RORA: variants seen among roughly 807,000 people sequenced by gnomAD.
RORA encodes RAR related orphan receptor A, also known as nuclear receptor ROR-alpha.
Under a neutral mutation model 69.5 loss-of-function variants are expected in RORA, and 7 were observed. That is an observed-to-expected ratio of 0.10 (90% CI 0.06 to 0.19). RORA has a LOEUF of 0.19. RORA is among the 10% of genes least tolerant of loss of function. The pLI is 1.00. For synonymous variants in RORA, 261 were observed against 240.8 expected (o/e 1.08, Z -0.78); for missense variants, 457 against 663.0 (o/e 0.69, Z 3.41).
intron 1 of RORA, among the ~76,000 whole-genome samples, chr15:61,085,087 T>A (rs1413705942): frequency 6.6e-6 from 1 of 152,050 alleles, no homozygotes. Flanking sequence ...TAGGGAGCTG[T>A]TCATTTAAAA....
chr15:61,167,828 C>A (rs931980908), intron 1 of RORA, among the ~76,000 whole-genome samples: 4 of 152,154 alleles, frequency 2.6e-5, no homozygotes, highest in African/African-American at 9.7e-5. Flanking sequence ...GTGGTCCCAC[C>A]CCACCCACCA....
At chr15:60,607,651 C>T (rs2068981668) in intron 2 of RORA, among the ~76,000 whole-genome samples, 1 of 152,174 alleles carries the variant, frequency 6.6e-6, no homozygotes, top group African/African-American at 2.4e-5. Flanking sequence ...AGTAAAAACT[C>T]TTCAAACACA....
At chr15:60,740,828 A>C (rs1010684373) in intron 1 of RORA, among the ~76,000 whole-genome samples, 1 of 152,082 alleles carries the variant, frequency 6.6e-6, no homozygotes, top group Non-Finnish European at 1.5e-5. Context: ...TGGTTTTATG[A>C]CCATACTGAA....
intron 1 of RORA, among the ~76,000 whole-genome samples, chr15:60,829,663 C>T (rs1442002866): frequency 1.3e-5 from 2 of 152,214 alleles, no homozygotes; most frequent in Non-Finnish European, 2.9e-5. Context: ...TGAAGCAATC[C>T]GCTGAAAGGG....
At chr15:60,866,108 A>G (rs769774786) in intron 1 of RORA, among the ~76,000 whole-genome samples, 1 of 152,180 alleles carries the variant, frequency 6.6e-6, no homozygotes, top group Non-Finnish European at 1.5e-5. Context: ...ATTATTAACT[A>G]TAGTCACCCC....
At chr15:60,680,200 T>C (rs1419376640) in intron 1 of RORA, among the ~76,000 whole-genome samples, 1 of 152,222 alleles carries the variant, frequency 6.6e-6, no homozygotes, top group Admixed American at 6.5e-5. Context: ...ATGAGAGATA[T>C]ATGTGTATTT....
At chr15:60,774,350 T>C (rs1046224130) in intron 1 of RORA, among the ~76,000 whole-genome samples, 5 of 152,164 alleles carry the variant, frequency 3.3e-5, no homozygotes, top group African/African-American at 1.2e-4. Context: ...TCAGAATCTG[T>C]CCTAATCCAA....
chr15:60,834,326 T>C (rs1160893990), intron 1 of RORA, among the ~76,000 whole-genome samples: 3 of 152,096 alleles, frequency 2.0e-5, no homozygotes, highest in Non-Finnish European at 4.4e-5. Flanking sequence ...GGTAATAAAG[T>C]CTAAGTCAAT....
chr15:60,719,623 T>G (rs1567168191), intron 1 of RORA, among the ~76,000 whole-genome samples: 1 of 152,214 alleles, frequency 6.6e-6, no homozygotes, highest in African/African-American at 2.4e-5. Context: ...CATAAACATC[T>G]TAATTTAAAG....
chr15:60,555,777 A>T (rs548039465), intron 2 of RORA, among the ~76,000 whole-genome samples: 22 of 152,150 alleles, frequency 1.4e-4, no homozygotes, highest in Non-Finnish European at 2.9e-4. Flanking sequence ...CTACTTTCCC[A>T]AGAAATACTG....
chr15:61,084,967 T>C (rs1175447082), intron 1 of RORA, among the ~76,000 whole-genome samples: 1 of 152,088 alleles, frequency 6.6e-6, no homozygotes, highest in African/African-American at 2.4e-5. Context: ...CTCTTAATCC[T>C]CAACCATAAT....
At chr15:60,606,821 G>A (rs1359233085) in intron 2 of RORA, among the ~76,000 whole-genome samples, 1 of 96,216 alleles carries the variant, frequency 1.0e-5, no homozygotes, top group Admixed American at 1.0e-4. Flanking sequence ...TCTCTCACAT[G>A]AAAGCCTTGT....
intron 1 of RORA, among the ~76,000 whole-genome samples, chr15:60,807,476 A>G (rs961739338): frequency 2.6e-5 from 4 of 152,240 alleles, no homozygotes; most frequent in African/African-American, 9.6e-5. Context: ...GGTAGAATCG[A>G]CATTGTGAAA....
At chr15:60,520,480 TAAGAGGAAGAAGGATTAGA>T (rs1332585669) in intron 3 of RORA, among the ~76,000 whole-genome samples, 1 of 152,044 alleles carries the variant, frequency 6.6e-6, no homozygotes. Flanking sequence ...AAATAACACA[TAAGAGGAAGAAGGATTAGA>T]AAGAGGAAGA....
Position 61,094,771 on chromosome 15 carries a change from C to T in RORA, c.166+134282G>A, listed in dbSNP as rs1045134687. Among the ~76,000 whole-genome samples the T allele has an allele frequency of 2.0e-5, 3 of 152,222 alleles. No homozygotes were observed. In the South Asian group the frequency reaches 6.2e-4, roughly 32 times the overall value. ...CAAAGAAGACCCAGTTACTGCCCTT[C>T]AGGGGCTTGGTGCACCCAGCAGACA... On this transcript the variant is annotated intron_variant, in intron 1 of 10. Transcript: ENST00000335670.
chr15:60,895,790 C>G (rs866146145), intron 1 of RORA, among the ~76,000 whole-genome samples: 2 of 152,176 alleles, frequency 1.3e-5, no homozygotes, highest in Non-Finnish European at 2.9e-5. Context: ...TTAGTATAAG[C>G]TAGGGCTCTT....
chr15:61,125,060 T>A (rs543733113), intron 1 of RORA, among the ~76,000 whole-genome samples: 2 of 152,344 alleles, frequency 1.3e-5, no homozygotes, highest in African/African-American at 4.8e-5. Flanking sequence ...AAAATGTTCA[T>A]CATCAACCTT....
intron 1 of RORA, among the ~76,000 whole-genome samples, chr15:60,959,217 T>C (rs1014996064): frequency 6.6e-6 from 1 of 152,224 alleles, no homozygotes; most frequent in Non-Finnish European, 1.5e-5. Flanking sequence ...CAGAGGACTA[T>C]GGCTGCTTGA....
intron 2 of RORA, among the ~76,000 whole-genome samples, chr15:60,605,299 T>A (rs928249694): frequency 1.4e-5 from 2 of 141,544 alleles, no homozygotes; most frequent in Non-Finnish European, 3.2e-5. Flanking sequence ...GGAAACAAGA[T>A]TTTTTTTTCT....
Sources: gnomAD v4.1 joint callset for allele counts (sites outside exome capture counted in the v4.1 genomes callset) on GRCh38, gnomAD v4.1.1 for gene constraint, MANE v1.5 for transcripts, NCBI Gene and HGNC (gene_info 2026-07-23, HGNC 2026-07-21) for gene names.